The following CAMTA1 variants were observed in gnomAD, a reference collection of about 807,000 sequenced individuals.
CAMTA1 encodes calmodulin-binding transcription activator 1.
A neutral mutation model predicts 170.9 loss-of-function variants in CAMTA1; 27 were observed. The observed-to-expected ratio is 0.16, with a 90% CI of 0.12 to 0.22. The LOEUF (loss-of-function observed/expected upper bound fraction) is 0.22. Among genes scored for constraint, CAMTA1 ranks in the 10% least tolerant of loss-of-function variants. The pLI, the probability that CAMTA1 is intolerant of heterozygous loss-of-function variation, is 1.00. For missense variants in CAMTA1, 1,619 were observed against 2,217.2 expected (o/e 0.73, Z 5.42); for synonymous variants, 833 against 891.5 (o/e 0.93, Z 1.17).
intron 1 of CAMTA1, among the ~76,000 whole-genome samples, chr1:6,800,129 G>A (rs1026877301): frequency 5.9e-5 from 9 of 152,072 alleles, no homozygotes; most frequent in African/African-American, 1.9e-4. Flanking sequence ...CGTAGGCCGG[G>A]TGCTGTGGCT....
chr1:6,921,323 C>G (rs552773229), intron 3 of CAMTA1, among the ~76,000 whole-genome samples: 1 of 152,352 alleles, frequency 6.6e-6, no homozygotes, highest in African/African-American at 2.4e-5. Flanking sequence ...CAATTCCCAA[C>G]AAGTTTCTCA....
chr1:6,901,728 G>A (rs2149210045), intron 3 of CAMTA1, among the ~76,000 whole-genome samples: 2 of 152,268 alleles, frequency 1.3e-5, no homozygotes, highest in African/African-American at 4.8e-5. Context: ...GTAATACCAA[G>A]TGCTGGTGAA....
At chr1:7,730,556 G>A (rs903853466) in intron 11 of CAMTA1, among the ~76,000 whole-genome samples, 2 of 152,166 alleles carry the variant, frequency 1.3e-5, no homozygotes, top group East Asian at 3.8e-4. Flanking sequence ...AGTAGGGAGA[G>A]ACCTCCCCTC....
chr1:7,132,836 T>A (rs1645341769), intron 4 of CAMTA1, among the ~76,000 whole-genome samples: 1 of 152,224 alleles, frequency 6.6e-6, no homozygotes. Flanking sequence ...TGGATTTTGT[T>A]GAATAGTTCT....
chr1:7,361,227 G>T (rs2085514267), intron 5 of CAMTA1, among the ~76,000 whole-genome samples: 2 of 152,228 alleles, frequency 1.3e-5, no homozygotes, highest in Admixed American at 1.3e-4. Flanking sequence ...TGGGTCCTCA[G>T]TTCTCTCTGA....
intron 11 of CAMTA1, among the ~76,000 whole-genome samples, chr1:7,718,853 C>CCCTTT (rs371449043): frequency 7.4e-6 from 1 of 134,560 alleles, no homozygotes; most frequent in African/African-American, 2.8e-5. Context: ...CCGGTCAGCC[C>CCCTTT]TTTTTTTTTT....
In CAMTA1 at chr1:7,443,590, A is replaced by G. The variant is rs182502472; in HGVS notation, c.439-24240A>G. Among the ~76,000 whole-genome samples the G allele has an allele frequency of 1.3e-5, 2 of 152,060 alleles. No homozygotes were observed. Among genetic ancestry groups the G allele is most frequent in the African/African-American group, 4.8e-5 (2 of 41,410 alleles). ...GGGAACCCAGTCTCACCTTCCAGCC[A>G]TATTGAGTGGCACAGAGGAGGCTCG... On this transcript the variant is annotated intron_variant, in intron 5 of 22. Transcript: ENST00000303635. The surrounding 1 kb of genome is among the most constrained non-coding windows in gnomAD (Gnocchi z 4.1).
chr1:7,177,148 T>C, intron 4 of CAMTA1, among the ~76,000 whole-genome samples: 1 of 111,838 alleles, frequency 8.9e-6, no homozygotes, highest in African/African-American at 3.6e-5. Flanking sequence ...ACACCGAGGC[T>C]CTTCCCACAT....
chr1:7,383,800 A>G (rs2087626329), intron 5 of CAMTA1, among the ~76,000 whole-genome samples: 1 of 152,038 alleles, frequency 6.6e-6, no homozygotes, highest in Non-Finnish European at 1.5e-5. Context: ...GATGATGGAG[A>G]TGATGATAAT....
chr1:7,766,417 T>C (rs2097025141), intron 22 of CAMTA1, 42 bp from the exon 23 acceptor site: 2 of 1,606,446 alleles, frequency 1.2e-6, no homozygotes, highest in East Asian at 2.2e-5. Context: ...CACAATTCAC[T>C]ATAGAGTTAT....
At chr1:7,648,165 AG>A (rs2095822563) in intron 7 of CAMTA1, among the ~76,000 whole-genome samples, 1 of 152,210 alleles carries the variant, frequency 6.6e-6, no homozygotes, top group Non-Finnish European at 1.5e-5. Flanking sequence ...AGGCTGAGGC[AG>A]GTAGATCACC....
At chr1:6,861,001 G>C (rs1664476933) in intron 3 of CAMTA1, among the ~76,000 whole-genome samples, 1 of 144,156 alleles carries the variant, frequency 6.9e-6, no homozygotes, top group Non-Finnish European at 1.5e-5. Context: ...GTCTTGCCCT[G>C]TCACCCAGGC....
intron 6 of CAMTA1, among the ~76,000 whole-genome samples, chr1:7,584,232 A>G (rs1160510494): frequency 1.3e-5 from 2 of 151,912 alleles, no homozygotes; most frequent in Non-Finnish European, 2.9e-5. Context: ...AGTAGGGGAG[A>G]GAGATCAGGC....
At chr1:7,523,386 T>C (rs1377096891) in intron 6 of CAMTA1, among the ~76,000 whole-genome samples, 1 of 152,232 alleles carries the variant, frequency 6.6e-6, no homozygotes, top group East Asian at 1.9e-4. Context: ...ATCCGAAATA[T>C]TGCTGCAGTT....
chr1:7,223,147 C>G (rs1223990526), intron 4 of CAMTA1, among the ~76,000 whole-genome samples: 1 of 20,420 alleles, frequency 4.9e-5, no homozygotes, highest in Non-Finnish European at 8.9e-5. Context: ...ACCTGTTGAT[C>G]CACCCACCCA....
At chr1:7,594,820 A>G (rs1478020876) in intron 6 of CAMTA1, among the ~76,000 whole-genome samples, 1 of 152,266 alleles carries the variant, frequency 6.6e-6, no homozygotes, top group Non-Finnish European at 1.5e-5. Context: ...AGGGAGGCCC[A>G]GCGGGGAACA....
intron 11 of CAMTA1, among the ~76,000 whole-genome samples, chr1:7,728,218 TG>T (rs2096705506): frequency 6.6e-6 from 1 of 152,188 alleles, no homozygotes; most frequent in Non-Finnish European, 1.5e-5. Context: ...GTTGACCGGG[TG>T]ACGCCGTGGG....
At chr1:7,309,692 T>C (rs1479863817) in intron 5 of CAMTA1, among the ~76,000 whole-genome samples, 1 of 152,116 alleles carries the variant, frequency 6.6e-6, no homozygotes, top group East Asian at 1.9e-4. Flanking sequence ...GTATTTTACA[T>C]ATTGTGTTTT....
At chr1:7,661,936 C>T in intron 8 of CAMTA1, 70 bp downstream of exon 8, 2 of 1,513,570 alleles carry the variant, frequency 1.3e-6, no homozygotes, top group South Asian at 1.2e-5. Context: ...GCCGTCATGG[C>T]TGTCCTCTGT....
Sources: allele counts gnomAD v4.1 joint callset (sites outside exome capture counted in the v4.1 genomes callset), GRCh38; gene constraint gnomAD v4.1.1; non-coding constraint Gnocchi (gnomAD v3.1); transcripts MANE v1.5; gene names NCBI Gene and HGNC (gene_info 2026-07-23, HGNC 2026-07-21).